PCDHA3: variants seen among roughly 807,000 people sequenced by gnomAD.
PCDHA3 encodes the protein protocadherin alpha-3.
Under a neutral mutation model 62.2 loss-of-function variants are expected in PCDHA3, and 41 were observed. That is an observed-to-expected ratio of 0.66 (90% CI 0.51 to 0.86). The LOEUF (loss-of-function observed/expected upper bound fraction) is 0.86, where lower values mean the gene tolerates loss of function less well. Among genes scored for constraint, PCDHA3 ranks in the 40% least tolerant of loss-of-function variants. The probability of loss-of-function intolerance (pLI) is 0.00; values close to 1 mark genes in which losing one functional copy is unlikely to be tolerated. For missense variants in PCDHA3, 1,304 were observed against 1,241.2 expected (o/e 1.05, Z -0.76); for synonymous variants, 640 against 555.4 (o/e 1.15, Z -2.14).
intron 1 of PCDHA3, chr5:140,821,671 C>T: frequency 2.3e-6 from 3 of 1,291,108 alleles, no homozygotes; most frequent in Non-Finnish European, 3.2e-6. Context: ...CCAAGAAGCT[C>T]AGAAAGGCGA....
chr5:140,905,437 C>T (rs190555934), intron 1 of PCDHA3, among the ~76,000 whole-genome samples: 1 of 152,130 alleles, frequency 6.6e-6, no homozygotes, highest in Non-Finnish European at 1.5e-5. Flanking sequence ...ATAACTACAG[C>T]CTTTTAGTAT....
Position 140,801,557 on chromosome 5 carries a change from G to C in PCDHA3, c.360G>C (p.Glu120Asp). 3.7e-6 allele frequency: 6 copies of C among 1,614,242 alleles called. No individual in the cohort carries two copies. Among genetic ancestry groups the C allele is most frequent in the African/African-American group, 1.3e-5 (1 of 75,068 alleles). Reference protein sequence around the residue: ...VDRPLQVFHVEVEVKDINDNA... With the variant: ...VDRPLQVFHVDVEVKDINDNA... ...GGCCGCTGCAGGTTTTCCATGTGGA[G>C]GTGGAAGTGAAGGACATTAATGACA... Residue 120 changes from glutamate (E) to aspartate (D), a missense_variant, in exon 1 of 4, where the codon GAG (glutamate) becomes GAC (aspartate). Coordinates refer to ENST00000522353, the MANE Select transcript of PCDHA3 (RefSeq NM_018906.3).
At chr5:141,009,511 G>C in intron 3 of PCDHA3, 116 bp from the exon 4 acceptor site, 2 of 1,498,174 alleles carry the variant, frequency 1.3e-6, no homozygotes, top group Non-Finnish European at 1.8e-6. Context: ...CAAACAACTC[G>C]TGATTTTTCT....
intron 1 of PCDHA3, chr5:140,852,775 T>G (rs1554146101): frequency 1.0e-6 from 1 of 980,592 alleles, no homozygotes; most frequent in African/African-American, 1.8e-5. Context: ...TTATTTGATG[T>G]GAATAGAGGG....
chr5:140,830,268 C>A (rs2150183808), intron 1 of PCDHA3: 5 of 1,613,634 alleles, frequency 3.1e-6, no homozygotes, highest in Admixed American at 1.7e-5. Flanking sequence ...TGCTCGGCGC[C>A]ACCCACCGAG....
chr5:140,962,028 C>T (rs1046578713), intron 1 of PCDHA3, among the ~76,000 whole-genome samples: 81 of 152,150 alleles, frequency 5.3e-4, no homozygotes, highest in African/African-American at 1.8e-3. Context: ...GGACTACAGG[C>T]ACCCACCACC....
In PCDHA3 at chr5:140,913,731, A is replaced by G. The variant is rs557158674; in HGVS notation, c.2395-65218A>G. ...CAATTACAGCTACAAATTTCCCTCT[A>G]ATAGTACTCCTTTTGTTGTATCTCA... On this transcript the variant is annotated intron_variant, in intron 1 of 3. Transcript: ENST00000522353. Among the ~76,000 whole-genome samples the G allele has an allele frequency of 1.8e-4, 27 of 152,194 alleles. No homozygotes were observed. The South Asian group carries it at 2.5e-3, about 14-fold the overall frequency.
rs560485194 is a variant in PCDHA3 at position 140,872,763 on chromosome 5, G to A, written c.2394+69172G>A. ...AACTTGCTAAAGACATGCATATAGG[G>A]CTATATTATCTATAATATATGCTAG... On this transcript the variant is annotated intron_variant, in intron 1 of 3. Coordinates refer to ENST00000522353, the MANE Select transcript of PCDHA3 (RefSeq NM_018906.3). 2.0e-5 allele frequency among the ~76,000 whole-genome samples: 3 copies of A among 152,126 alleles called. No homozygotes were observed. The South Asian group carries it at 6.2e-4, about 32-fold the overall frequency.
chr5:140,869,361 G>T, intron 1 of PCDHA3: 1 of 1,614,146 alleles, frequency 6.2e-7, no homozygotes, highest in Non-Finnish European at 8.5e-7. Context: ...TTTTGTTTGT[G>T]AATTCTCGGA....
intron 1 of PCDHA3, chr5:140,821,958 C>A: frequency 6.2e-7 from 1 of 1,614,156 alleles, no homozygotes; most frequent in Non-Finnish European, 8.5e-7. Context: ...TGGTGCCGCG[C>A]CTGTTCCGGG....
At chr5:140,950,860 G>A (rs529625926) in intron 1 of PCDHA3, among the ~76,000 whole-genome samples, 25 of 151,860 alleles carry the variant, frequency 1.6e-4, no homozygotes, top group African/African-American at 5.8e-4. Context: ...TCATATTCTT[G>A]TATATTCTAT....
chr5:140,870,355 T>C, intron 1 of PCDHA3: 7 of 1,614,110 alleles, frequency 4.3e-6, no homozygotes, highest in Non-Finnish European at 5.9e-6. Context: ...CGAGAACGTG[T>C]GGGCCTATGA....
chr5:140,842,235 G>A (rs201880118), intron 1 of PCDHA3: 39 of 1,612,410 alleles, frequency 2.4e-5, no homozygotes, highest in Non-Finnish European at 3.0e-5. Flanking sequence ...ATAGTGATTC[G>A]GGGTAATTTG....
intron 1 of PCDHA3, chr5:140,928,238 A>T (rs147430561): frequency 1.9e-6 from 3 of 1,614,188 alleles, no homozygotes; most frequent in Non-Finnish European, 2.5e-6. Context: ...CCTCAACCCC[A>T]GCAGGAACTT....
chr5:140,874,304 A>G (rs559038069), intron 1 of PCDHA3, among the ~76,000 whole-genome samples: 1 of 152,234 alleles, frequency 6.6e-6, no homozygotes, highest in African/African-American at 2.4e-5. Flanking sequence ...ACTTGTTCAC[A>G]ATGAGTTGTA....
At chr5:140,856,940 A>G (rs2044280502) in intron 1 of PCDHA3, 1 of 1,593,596 alleles carries the variant, frequency 6.3e-7, no homozygotes, top group African/African-American at 1.3e-5. Context: ...AAACGAAAGG[A>G]CGGGAGAAAT....
chr5:140,882,111 C>A, intron 1 of PCDHA3: 1 of 1,379,348 alleles, frequency 7.2e-7, no homozygotes, highest in Non-Finnish European at 9.8e-7. Context: ...GCGAAGAAAG[C>A]CGCCGTTTCT....
In PCDHA3 at chr5:140,850,761, C is replaced by T. The variant is rs2150497421; in HGVS notation, c.2394+47170C>T. ...TTGGTCGTACTCGCAGCAGAGGAGGCAGAGGGTGTGCTCTGGCGAGGGTAA... is the reference window on the plus strand; with the variant it reads ...TTGGTCGTACTCGCAGCAGAGGAGGTAGAGGGTGTGCTCTGGCGAGGGTAA... On this transcript the variant is annotated intron_variant, in intron 1 of 3. Coordinates refer to ENST00000522353, the MANE Select transcript of PCDHA3 (RefSeq NM_018906.3). The T allele has an allele frequency of 1.4e-5, 23 of 1,597,888 alleles. 2 individuals are homozygous for T. In the Admixed American group the frequency reaches 1.5e-4, roughly 11 times the overall value.
At chr5:140,884,006 C>A in intron 1 of PCDHA3, 1 of 1,613,022 alleles carries the variant, frequency 6.2e-7, no homozygotes, top group Non-Finnish European at 8.5e-7. Context: ...AGTGAGCGAG[C>A]TGATGCCGCG....
Sources: allele counts gnomAD v4.1 joint callset (sites outside exome capture counted in the v4.1 genomes callset), GRCh38; gene constraint gnomAD v4.1.1; transcripts MANE v1.5; gene names NCBI Gene and HGNC (gene_info 2026-07-23, HGNC 2026-07-21).